Variants in TRIP12 observed in about 807,000 individuals in gnomAD.
The protein encoded by TRIP12 is E3 ubiquitin-protein ligase TRIP12.
A neutral mutation model predicts 244.2 loss-of-function variants in TRIP12; 25 were observed. The ratio of observed to expected loss-of-function variants is 0.10; its 90% CI spans 0.07 to 0.14. The LOEUF (loss-of-function observed/expected upper bound fraction) is 0.14. TRIP12 is among the 10% of genes least tolerant of loss of function. The pLI is 1.00. For synonymous variants in TRIP12, 905 were observed against 873.1 expected, an observed-to-expected ratio of 1.04 and a Z score of -0.64; for missense variants, 1,677 against 2,486.4, an observed-to-expected ratio of 0.67 and a Z score of 6.92.
intron 1 of TRIP12, among the ~76,000 whole-genome samples, chr2:229,911,585 G>C (rs2074284328): frequency 6.6e-6 from 1 of 152,128 alleles, no homozygotes; most frequent in African/African-American, 2.4e-5. Flanking sequence ...GGAAGATATT[G>C]AATGTCCCAA....
intron 16 of TRIP12, 46 bp downstream of exon 16, chr2:229,808,206 T>C: frequency 7.2e-7 from 1 of 1,397,696 alleles, no homozygotes; most frequent in South Asian, 1.2e-5. Context: ...GACCTCGTGA[T>C]TCACCCGCCT....
chr2:229,799,088 G>A, intron 22 of TRIP12, 39 bp from the exon 23 acceptor site: 1 of 1,604,698 alleles, frequency 6.2e-7, no homozygotes, highest in East Asian at 2.2e-5. Context: ...AGTCATTTTA[G>A]TTTAAGTGAT....
intron 9 of TRIP12, among the ~76,000 whole-genome samples, chr2:229,815,765 A>T (rs2048349089): frequency 6.6e-6 from 1 of 152,138 alleles, no homozygotes; most frequent in Admixed American, 6.6e-5. Context: ...AGCTTCTCTA[A>T]AACAGATAAG....
chr2:229,767,935 T>C (rs925237082), intron 41 of TRIP12, among the ~76,000 whole-genome samples, 185 bp from the exon 42 acceptor site: 5 of 152,198 alleles, frequency 3.3e-5, no homozygotes, highest in African/African-American at 1.2e-4. Flanking sequence ...AAACTCGCTG[T>C]ATAACATGGA....
chr2:229,802,186 G>T, intron 21 of TRIP12, 66 bp downstream of exon 21: 2 of 1,321,358 alleles, frequency 1.5e-6, no homozygotes, highest in Non-Finnish European at 2.1e-6. Context: ...CTCCCTATAT[G>T]ATTCTTAGGT....
chr2:229,843,518 G>C (rs944246929), intron 4 of TRIP12, among the ~76,000 whole-genome samples: 3 of 152,124 alleles, frequency 2.0e-5, no homozygotes, highest in Admixed American at 6.5e-5. Context: ...TTTGAGTCCT[G>C]AGAGTCTGAG....
chr2:229,922,560 G>C (rs1354424549), upstream of TRIP12: 3 of 1,613,964 alleles, frequency 1.9e-6, no homozygotes, highest in Non-Finnish European at 2.5e-6. Flanking sequence ...GTAGGACAAG[G>C]CCCGCCGCCT....
At chr2:229,769,131 A>G in intron 40 of TRIP12, 100 bp downstream of exon 40, 1 of 994,944 alleles carries the variant, frequency 1.0e-6, no homozygotes, top group Non-Finnish European at 1.5e-6. Context: ...GAACCACTCC[A>G]ACTTTTGTTG....
chr2:229,881,878 AAGG>A (rs993343257), intron 1 of TRIP12, among the ~76,000 whole-genome samples: 1 of 152,118 alleles, frequency 6.6e-6, no homozygotes, highest in African/African-American at 2.4e-5. Context: ...GCCTTTGAGA[AAGG>A]ACTGGGGGAT....
At chr2:229,879,920 A>C in intron 2 of TRIP12, 62 bp downstream of exon 2, 2 of 1,574,906 alleles carry the variant, frequency 1.3e-6, no homozygotes, top group South Asian at 1.1e-5. Flanking sequence ...CCTCGCAAGG[A>C]GGCTTAAAAA....
chr2:229,823,516 T>TA (rs1057512199), intron 8 of TRIP12, among the ~76,000 whole-genome samples: 29 of 147,080 alleles, frequency 2.0e-4, no homozygotes, highest in East Asian at 8.0e-4. Context: ...CTACCAAAAA[T>TA]AAAAAAAAAA....
chr2:229,861,179 C>T (rs1559934911), intron 2 of TRIP12, among the ~76,000 whole-genome samples: 1 of 152,208 alleles, frequency 6.6e-6, no homozygotes, highest in East Asian at 1.9e-4. Context: ...TGGAATTTAC[C>T]ACAAAAGTTC....
At chr2:229,823,058 C>T (rs1452147885) in intron 8 of TRIP12, among the ~76,000 whole-genome samples, 2 of 151,892 alleles carry the variant, frequency 1.3e-5, no homozygotes, top group Non-Finnish European at 2.9e-5. Context: ...TAAAACAGAG[C>T]CAGAGAGACA....
intron 1 of TRIP12, among the ~76,000 whole-genome samples, chr2:229,896,808 G>A (rs1246736837): frequency 6.6e-6 from 1 of 152,096 alleles, no homozygotes; most frequent in Non-Finnish European, 1.5e-5. Context: ...CAAAGCTGGT[G>A]TATCTAAAAA....
chr2:229,921,338 G>A (rs1035981534), intron 1 of TRIP12: 2 of 152,968 alleles, frequency 1.3e-5, no homozygotes, highest in Middle Eastern at 3.4e-3. Flanking sequence ...TGTCACTGGA[G>A]CTGCTTCCTA....
rs1366947152 is a variant in TRIP12 at position 229,804,151 on chromosome 2, A to G, written c.2727T>C (p.Phe909=). Residue 909 remains phenylalanine (F), a synonymous_variant, in exon 19 of 42, where the codon TTT becomes TTC. Coordinates refer to ENST00000675903, the MANE Select transcript of TRIP12 (RefSeq NM_001348323.3). ...MKEDPELAKS[F]IKTLFGVLYE... Reference sequence around the variant, plus strand: ...AAAGAACACCAAATAATGTCTTAATAAAAGACTTAGCCAGTTCCGGATCCT... The same window carrying G: ...AAAGAACACCAAATAATGTCTTAATGAAAGACTTAGCCAGTTCCGGATCCT... 7 of 1,614,028 alleles carry G rather than the reference A, an allele frequency of 4.3e-6. No homozygotes were observed. In the East Asian group the frequency reaches 1.3e-4, roughly 31 times the overall value.
At chr2:229,910,320 T>C (rs1224715821) in intron 1 of TRIP12, among the ~76,000 whole-genome samples, 1 of 152,230 alleles carries the variant, frequency 6.6e-6, no homozygotes, top group Non-Finnish European at 1.5e-5. Flanking sequence ...ACTCTGTAAT[T>C]ATGAATCACC....
chr2:229,877,528 G>A (rs554000136), intron 2 of TRIP12, among the ~76,000 whole-genome samples: 5 of 152,198 alleles, frequency 3.3e-5, no homozygotes, highest in Admixed American at 2.0e-4. Flanking sequence ...GTAAGACTCC[G>A]TCTCAAAAAA....
chr2:229,827,953 A>G (rs2052194755), intron 8 of TRIP12, among the ~76,000 whole-genome samples: 1 of 152,198 alleles, frequency 6.6e-6, no homozygotes, highest in East Asian at 1.9e-4. Flanking sequence ...CTGGCTCTAA[A>G]TGATAAAAGT....
Sources: allele counts gnomAD v4.1 joint callset (sites outside exome capture counted in the v4.1 genomes callset), GRCh38; gene constraint gnomAD v4.1.1; transcripts MANE v1.5; gene names NCBI Gene and HGNC (gene_info 2026-07-23, HGNC 2026-07-21).